Variants in TC2N observed in about 807,000 individuals in gnomAD.
The protein encoded by TC2N is tandem C2 domains nuclear protein.
TC2N carries 51 observed loss-of-function variants against 61.9 expected under a neutral mutation model. The observed-to-expected ratio is 0.82, with a 90% CI of 0.66 to 1.04. The LOEUF (loss-of-function observed/expected upper bound fraction) is 1.04. Ranked by LOEUF, TC2N falls within the 50% of genes least tolerant of loss-of-function variation. TC2N has a pLI of 0.00. For synonymous variants in TC2N, 204 were observed against 192.6 expected (o/e 1.06, Z -0.49); for missense variants, 556 against 566.7 (o/e 0.98, Z 0.19).
chr14:91,813,747 C>T lies in TC2N; in HGVS notation c.23G>A (p.Ser8Asn), dbSNP rs756737332. ...ACCATAGAAACATCCTCCACAGCAACTCTTTATAAATTCTGTTGCCATTAC... is the reference window on the plus strand; with the variant it reads ...ACCATAGAAACATCCTCCACAGCAATTCTTTATAAATTCTGTTGCCATTAC... MATEFIK[S>N]CCGGCFYGET... is the part of the protein sequence containing the mutation. The change falls in exon 2 of 12, where the codon AGT (serine) becomes AAT (asparagine). Residue 8 changes from serine (S) to asparagine (N), a missense_variant. By Grantham distance (46) the Ser-to-Asn change is conservative. Transcript: ENST00000435962. The T allele has an allele frequency of 1.8e-5, 29 of 1,609,658 alleles. No individual in the cohort carries two copies. The highest frequency in any genetic ancestry group is 2.2e-5 in the Non-Finnish European group (26 of 1,177,202).
chr14:91,810,874 A>T (rs1886732330), intron 3 of TC2N, among the ~76,000 whole-genome samples: 1 of 152,104 alleles, frequency 6.6e-6, no homozygotes, highest in East Asian at 1.9e-4. Context: ...ACTTGAAAAA[A>T]AAAAGTCTCA....
At position 91,786,995 on chromosome 14, in the gene TC2N, C is replaced by G. The variant is rs377729475; in HGVS notation, c.1162+518G>C. ...AACATGCATTGCTTTTGCCTGCCCC[C>G]ATACAGTTCCCTTCTTTTAGTAGGG... On this transcript the variant is annotated intron_variant, in intron 10 of 11. Transcript: ENST00000435962. Among the ~76,000 whole-genome samples, 4 of 152,232 alleles carry G rather than the reference C, an allele frequency of 2.6e-5. No individual in the cohort carries two copies. The South Asian group carries it at 8.3e-4, about 32-fold the overall frequency.
intron 11 of TC2N, among the ~76,000 whole-genome samples, chr14:91,783,896 G>A (rs990410483): frequency 2.0e-5 from 3 of 152,098 alleles, no homozygotes; most frequent in African/African-American, 7.2e-5. Flanking sequence ...GTTTCTAAGA[G>A]ATTGGAGCAG....
At position 91,837,259 on chromosome 14, in the gene TC2N, A is replaced by T. The variant is rs1888060674; in HGVS notation, c.-56-23434T>A. 6.6e-6 allele frequency among the ~76,000 whole-genome samples: 1 copy of T among 152,252 alleles called. No individual in the cohort carries two copies. Among genetic ancestry groups the T allele is most frequent in the Non-Finnish European group, 1.5e-5 (1 of 68,050 alleles). Reference sequence around the variant, plus strand: ...TGTTTTGACAGAGGTTCTGTCGCCCAGGCTGGAGTGTAGCGGTGCGCCCGT... The same window carrying T: ...TGTTTTGACAGAGGTTCTGTCGCCCTGGCTGGAGTGTAGCGGTGCGCCCGT... On this transcript the variant is annotated intron_variant, in intron 1 of 11. Coordinates refer to ENST00000435962, the MANE Select transcript of TC2N (RefSeq NM_001128596.3). The surrounding 1 kb of genome is among the most constrained non-coding windows in gnomAD (Gnocchi z 4.2).
chr14:91,841,964 CT>C (rs1888171461), intron 1 of TC2N, among the ~76,000 whole-genome samples: 1 of 142,924 alleles, frequency 7.0e-6, no homozygotes, highest in Admixed American at 7.7e-5. Flanking sequence ...ACCATCCATC[CT>C]TCCCTTCCAC....
chr14:91,825,489 G>A (rs1320439671), intron 1 of TC2N, among the ~76,000 whole-genome samples: 2 of 152,118 alleles, frequency 1.3e-5, no homozygotes, highest in African/African-American at 4.8e-5. Flanking sequence ...TCTGCTTTAA[G>A]TAATGCTATA....
intron 1 of TC2N, chr14:91,836,607 A>AGGCGGGGAGGGGCGAGGCAC (rs1888026130): frequency 6.9e-6 from 1 of 144,042 alleles, no homozygotes; most frequent in Non-Finnish European, 1.5e-5. Flanking sequence ...GGGCGAGGCA[A>AGGCGGGGAGGGGCGAGGCAC]GGCGGGGAGG....
intron 3 of TC2N, among the ~76,000 whole-genome samples, chr14:91,807,362 C>G (rs1886559350): frequency 6.6e-6 from 1 of 152,204 alleles, no homozygotes; most frequent in African/African-American, 2.4e-5. Context: ...CCTGGAAAAG[C>G]CACAGATACT....
At chr14:91,794,765 G>A (rs1384169028) in intron 8 of TC2N, among the ~76,000 whole-genome samples, 4 of 152,054 alleles carry the variant, frequency 2.6e-5, no homozygotes, top group Non-Finnish European at 4.4e-5. Context: ...TTTCATGTCT[G>A]CAAACACATC....
At chr14:91,838,031 A>T (rs1273762424) in intron 1 of TC2N, among the ~76,000 whole-genome samples, 1 of 152,232 alleles carries the variant, frequency 6.6e-6, no homozygotes, top group African/African-American at 2.4e-5. Flanking sequence ...GAAAATATTT[A>T]AAGGTCAGAC....
chr14:91,807,384 C>T (rs942280048), intron 3 of TC2N, among the ~76,000 whole-genome samples: 1 of 152,168 alleles, frequency 6.6e-6, no homozygotes, highest in Admixed American at 6.5e-5. Context: ...AACACCAGCC[C>T]GTGAAAGCAG....
chr14:91,799,014 AT>A lies in TC2N; in HGVS notation c.611del (p.Asn204IlefsTer24). On this transcript the variant is annotated frameshift_variant, in exon 6 of 12. Coordinates refer to ENST00000435962, the MANE Select transcript of TC2N (RefSeq NM_001128596.3). LOFTEE classifies it high-confidence loss of function. ...CCAGGCTTCTGTTACTCCCCTGAGAATTTTTCCTTGAAGAAGAACTACTGGG... is the reference window on the plus strand; with the variant it reads ...CCAGGCTTCTGTTACTCCCCTGAGAATTTTCCTTGAAGAAGAACTACTGGG... ...SVPSSSSSRK[N>X]SQGSNRSLDT... 1 of 1,600,188 alleles carries A rather than the reference AT, an allele frequency of 6.2e-7. No homozygotes were observed.
rs1206852807 is a variant in TC2N at position 91,797,888 on chromosome 14, C to G, written c.752G>C (p.Ser251Thr). ...AGTGTCTCCATAACTAGAGGGCCAACTTAAATCTCTGCACTAAAAAAATTA... is the reference window on the plus strand; with the variant it reads ...AGTGTCTCCATAACTAGAGGGCCAAGTTAAATCTCTGCACTAAAAAAATTA... ...WITVLQCRDL[S>T]WPSSYGDTPT... is the part of the protein sequence containing the mutation. The change falls in exon 8 of 12, where the codon AGT (serine) becomes ACT (threonine). Residue 251 changes from serine (S) to threonine (T), a missense_variant. Ser to Thr is a moderately conservative substitution (Grantham distance 58). Transcript: ENST00000435962. 1 of 1,584,888 alleles carries G rather than the reference C, an allele frequency of 6.3e-7. No homozygotes were observed. Among genetic ancestry groups the G allele is most frequent in the Non-Finnish European group, 8.6e-7 (1 of 1,161,102 alleles).
intron 10 of TC2N, among the ~76,000 whole-genome samples, chr14:91,787,212 A>G (rs571793667): frequency 3.8e-4 from 58 of 152,308 alleles, no homozygotes; most frequent in African/African-American, 1.4e-3. Flanking sequence ...AGGATAAATC[A>G]TTTCAGGTGG....
chr14:91,787,708 G>A, intron 9 of TC2N, 81 bp from the exon 10 acceptor site: 4 of 781,224 alleles, frequency 5.1e-6, no homozygotes, highest in East Asian at 2.8e-5. Flanking sequence ...AAAAAGCTAA[G>A]GTTAGAAATT....
chr14:91,805,521 T>C (rs1427889582), intron 3 of TC2N, among the ~76,000 whole-genome samples: 1 of 152,060 alleles, frequency 6.6e-6, no homozygotes, highest in Non-Finnish European at 1.5e-5. Flanking sequence ...ACAAATTAGC[T>C]GTGTGTGGTG....
At chr14:91,806,821 T>A (rs1026597308) in intron 3 of TC2N, among the ~76,000 whole-genome samples, 2 of 152,148 alleles carry the variant, frequency 1.3e-5, no homozygotes, top group Non-Finnish European at 2.9e-5. Context: ...CAAATGTTAA[T>A]CATCAAGACA....
chr14:91,788,397 G>A (rs1313659221), intron 9 of TC2N, among the ~76,000 whole-genome samples: 2 of 152,120 alleles, frequency 1.3e-5, no homozygotes, highest in African/African-American at 4.8e-5. Context: ...AGGGAGAATG[G>A]TTGTCCAAAC....
At chr14:91,823,319 G>A (rs561022096) in intron 1 of TC2N, among the ~76,000 whole-genome samples, 263 of 151,712 alleles carry the variant, frequency 1.7e-3, no homozygotes, top group Non-Finnish European at 3.3e-3. Flanking sequence ...TCGGGAGTTC[G>A]AGACCAGCCT....
Sources: gnomAD v4.1 joint callset for allele counts (sites outside exome capture counted in the v4.1 genomes callset) on GRCh38, gnomAD v4.1.1 for gene constraint, Gnocchi (gnomAD v3.1) non-coding constraint, MANE v1.5 for transcripts, NCBI Gene and HGNC (gene_info 2026-07-23, HGNC 2026-07-21) for gene names.